CENPP: variants seen among roughly 807,000 people sequenced by gnomAD.
CENPP encodes the protein centromere protein P.
In CENPP, 24 loss-of-function variants were observed where a neutral mutation model predicts 35.6. The ratio of observed to expected loss-of-function variants is 0.67; its 90% CI spans 0.49 to 0.95. The LOEUF (loss-of-function observed/expected upper bound fraction) is 0.95, where lower values mean the gene tolerates loss of function less well. Ranked by LOEUF, CENPP falls within the 40% of genes least tolerant of loss-of-function variation. CENPP has a pLI of 0.00. For synonymous variants in CENPP, 120 were observed against 125.5 expected (o/e 0.96, Z 0.29); for missense variants, 332 against 345.3 (o/e 0.96, Z 0.31).
chr9:92,416,614 C>T (rs967488327), intron 5 of CENPP: 8 of 1,475,838 alleles, frequency 5.4e-6, no homozygotes, highest in Non-Finnish European at 7.4e-6. Flanking sequence ...TAAAAGTCTA[C>T]ATACTTTCTA....
intron 5 of CENPP, among the ~76,000 whole-genome samples, chr9:92,555,449 G>A (rs1849705370): frequency 6.6e-6 from 1 of 151,370 alleles, no homozygotes. Flanking sequence ...GGCTGTTCTC[G>A]AACTCCTGAA....
Position 92,614,680 on chromosome 9 carries a change from ATAT to A in CENPP, c.*1535_*1537del, listed in dbSNP as rs1196059424. The A allele has an allele frequency of 6.6e-6, 1 of 152,540 alleles. No individual in the cohort carries two copies. Among genetic ancestry groups the A allele is most frequent in the Non-Finnish European group, 1.5e-5 (1 of 67,970 alleles). 9.4% of individuals were successfully genotyped at this position (152,540 alleles called of 1,614,324 possible). ...TTCATATAATTCCATGGTTTCACTAATATTATATGTTACAATAAGCCTCCATTA... is the reference window on the plus strand; with the variant it reads ...TTCATATAATTCCATGGTTTCACTAATATATGTTACAATAAGCCTCCATTA... On this transcript the variant is annotated 3_prime_UTR_variant, in exon 8 of 8. Coordinates refer to ENST00000375587, the MANE Select transcript of CENPP (RefSeq NM_001012267.3).
chr9:92,360,228 C>T (rs1399039876), intron 4 of CENPP, among the ~76,000 whole-genome samples: 1 of 152,122 alleles, frequency 6.6e-6, no homozygotes, highest in African/African-American at 2.4e-5. Context: ...TTTTAACAGT[C>T]TATTTAGATT....
rs1228157565 is a variant in CENPP at position 92,617,393 on chromosome 9, G to C, written c.*4244G>C. 6.6e-6 allele frequency: 1 copy of C among 152,340 alleles called. No homozygotes were observed. Among genetic ancestry groups the C allele is most frequent in the Non-Finnish European group, 1.5e-5 (1 of 68,152 alleles). The allele number at this position is 152,340 out of a possible 1,614,324, so 9.4% of individuals were successfully genotyped here. A position where few individuals can be genotyped will look rare whatever the true frequency, so the allele number is the denominator to read the frequency against. On this transcript the variant is annotated 3_prime_UTR_variant, in exon 8 of 8. Coordinates refer to ENST00000375587, the MANE Select transcript of CENPP (RefSeq NM_001012267.3). ...AAAGACAGGAAGGATGTTCCAGGCA[G>C]CTCCCGGGGAGGGTCTGACTACCTG...
intron 5 of CENPP, chr9:92,502,545 A>G (rs928090446): frequency 1.1e-5 from 18 of 1,612,702 alleles, no homozygotes; most frequent in Non-Finnish European, 1.4e-5. Context: ...GAGCAATCCT[A>G]TTTTCTTCAA....
At chr9:92,598,057 A>G (rs1850823506) in intron 5 of CENPP, among the ~76,000 whole-genome samples, 1 of 152,108 alleles carries the variant, frequency 6.6e-6, no homozygotes, top group Admixed American at 6.5e-5. Flanking sequence ...TTTTAGTTCC[A>G]TTTTCTAGAC....
chr9:92,522,988 C>A (rs1848171706), intron 5 of CENPP: 1 of 1,201,442 alleles, frequency 8.3e-7, no homozygotes, highest in African/African-American at 1.5e-5. Flanking sequence ...GTAGGCAAGT[C>A]TTTGAGAAAT....
At chr9:92,382,704 C>A (rs1474369183) in intron 5 of CENPP, among the ~76,000 whole-genome samples, 2 of 151,912 alleles carry the variant, frequency 1.3e-5, no homozygotes, top group Non-Finnish European at 2.9e-5. Context: ...TGTCCAACTT[C>A]ATTCTTTTGT....
intron 5 of CENPP, among the ~76,000 whole-genome samples, chr9:92,400,616 G>A (rs1166940153): frequency 6.6e-6 from 1 of 152,180 alleles, no homozygotes; most frequent in Non-Finnish European, 1.5e-5. Flanking sequence ...TAGAGTAAGA[G>A]TAAGCCAAGT....
At chr9:92,601,426 C>A (rs535757990) in intron 5 of CENPP, among the ~76,000 whole-genome samples, 1 of 152,110 alleles carries the variant, frequency 6.6e-6, no homozygotes, top group Non-Finnish European at 1.5e-5. Context: ...GTGCTGCCGG[C>A]GGTTAGTTGT....
chr9:92,428,225 G>C (rs1471040777), intron 5 of CENPP, among the ~76,000 whole-genome samples: 1 of 152,100 alleles, frequency 6.6e-6, no homozygotes, highest in East Asian at 1.9e-4. Flanking sequence ...CACATTTTCT[G>C]TAAATGGTGC....
chr9:92,375,872 A>G (rs887663971), intron 4 of CENPP, among the ~76,000 whole-genome samples: 5 of 144,736 alleles, frequency 3.5e-5, no homozygotes, highest in Admixed American at 1.4e-4. Flanking sequence ...TTTTTTTCCT[A>G]TGACTGGGCC....
chr9:92,516,087 G>A (rs925012726), intron 5 of CENPP, among the ~76,000 whole-genome samples: 3 of 144,510 alleles, frequency 2.1e-5, no homozygotes, highest in Non-Finnish European at 4.6e-5. Flanking sequence ...CCCCCGAGAC[G>A]GAGTCTTGCT....
chr9:92,342,919 A>G (rs1220959707), intron 3 of CENPP, among the ~76,000 whole-genome samples: 1 of 152,242 alleles, frequency 6.6e-6, no homozygotes, highest in Non-Finnish European at 1.5e-5. Flanking sequence ...ATTGCCTTCT[A>G]AAATAGTTTT....
intron 5 of CENPP, among the ~76,000 whole-genome samples, chr9:92,438,497 A>T (rs1844301180): frequency 6.6e-6 from 1 of 152,180 alleles, no homozygotes; most frequent in African/African-American, 2.4e-5. Context: ...CTGCCATTGG[A>T]GAGTATACAT....
intron 5 of CENPP, among the ~76,000 whole-genome samples, chr9:92,565,293 T>TA (rs3078380): frequency 0.31 from 10,371 of 32,998 alleles, 2,721 homozygotes; most frequent in Non-Finnish European, 0.33. Context: ...GCTGATGAGC[T>TA]AAAAAAAAAA....
At chr9:92,555,993 G>A (rs1431004599) in intron 5 of CENPP, among the ~76,000 whole-genome samples, 1 of 152,028 alleles carries the variant, frequency 6.6e-6, no homozygotes, top group Non-Finnish European at 1.5e-5. Flanking sequence ...TAGATTGTCT[G>A]TGCTCTTTCA....
chr9:92,545,221 GACC>G, intron 5 of CENPP, among the ~76,000 whole-genome samples: 1 of 151,982 alleles, frequency 6.6e-6, no homozygotes, highest in Non-Finnish European at 1.5e-5. Flanking sequence ...AGCCGGCTCG[GACC>G]TGGGATGGCC....
chr9:92,577,698 T>A (rs1279475628), intron 5 of CENPP, among the ~76,000 whole-genome samples: 2 of 152,134 alleles, frequency 1.3e-5, no homozygotes, highest in Non-Finnish European at 2.9e-5. Context: ...TATGCCCCTA[T>A]AGTCCCAGCT....
Sources: gnomAD v4.1 joint callset for allele counts (sites outside exome capture counted in the v4.1 genomes callset) on GRCh38, gnomAD v4.1.1 for gene constraint, MANE v1.5 for transcripts, NCBI Gene and HGNC (gene_info 2026-07-23, HGNC 2026-07-21) for gene names.